The following PFKFB3 variants were observed in gnomAD, a reference collection of about 807,000 sequenced individuals.
PFKFB3 encodes the protein 6-phosphofructo-2-kinase/fructose-2,6-bisphosphatase 3.
PFKFB3 carries 33 observed loss-of-function variants against 68.0 expected under a neutral mutation model. The observed-to-expected ratio is 0.49, with a 90% confidence interval of 0.37 to 0.65. The LOEUF (loss-of-function observed/expected upper bound fraction) is 0.65, where lower values mean the gene tolerates loss of function less well. Ranked by LOEUF, PFKFB3 falls within the 30% of genes least tolerant of loss-of-function variation. The probability of loss-of-function intolerance (pLI) is 0.00; values close to 1 mark genes in which losing one functional copy is unlikely to be tolerated. For missense variants in PFKFB3, 586 were observed against 712.2 expected (o/e 0.82, Z 2.02); for synonymous variants, 315 against 288.2 (o/e 1.09, Z -0.94).
chr10:6,304,840 A>G, the PFKFB3 span, among the ~76,000 whole-genome samples: 1 of 128,742 alleles, frequency 7.8e-6, no homozygotes, highest in South Asian at 2.5e-4. Flanking sequence ...TAAAAATATT[A>G]GGAACTTTTT....
the PFKFB3 span, among the ~76,000 whole-genome samples, chr10:6,316,008 TAA>T: frequency 1.3e-5 from 2 of 152,318 alleles, no homozygotes; most frequent in South Asian, 4.1e-4. Context: ...CATTTATATA[TAA>T]GAGACTTTTC....
Position 6,224,956 on chromosome 10 carries a change from C to T in PFKFB3, c.1341+743C>T, listed in dbSNP as rs547318429. Among the ~76,000 whole-genome samples the T allele has an allele frequency of 4.9e-4, 43 of 87,828 alleles. No homozygotes were observed. In the East Asian group the frequency reaches 9.8e-3, roughly 20 times the overall value. 57.6% of individuals were successfully genotyped at this position (87,828 alleles called of 152,430 possible). On this transcript the variant is annotated intron_variant, in intron 13 of 14. Transcript: ENST00000379775. ...CCACCAAGAACACGGTGTTGAGAGA[C>T]GGGAGGCGTGGAGAGCAGAGGCCTG...
the PFKFB3 span, among the ~76,000 whole-genome samples, chr10:6,274,236 C>T: frequency 1.3e-5 from 2 of 151,934 alleles, no homozygotes; most frequent in African/African-American, 4.8e-5. Flanking sequence ...TTGTGTAAGT[C>T]CCTCCATCTG....
the PFKFB3 span, among the ~76,000 whole-genome samples, chr10:6,288,400 G>T: frequency 7.9e-6 from 1 of 126,874 alleles, no homozygotes; most frequent in South Asian, 2.4e-4. Flanking sequence ...TCCCCTTCCT[G>T]TGTCCATGTG....
At chr10:6,171,797 G>GT (rs1251171747) in intron 1 of PFKFB3, among the ~76,000 whole-genome samples, 3 of 152,266 alleles carry the variant, frequency 2.0e-5, no homozygotes, top group Non-Finnish European at 4.4e-5. Context: ...GGGTAGAAAA[G>GT]TTTGGATATC....
At chr10:6,225,754 C>CA (rs3083328) in intron 13 of PFKFB3, among the ~76,000 whole-genome samples, 4 of 151,772 alleles carry the variant, frequency 2.6e-5, no homozygotes, top group Admixed American at 6.6e-5. Context: ...GATCCTGCCT[C>CA]GGGTCAGCGG....
At chr10:6,185,562 C>T (rs1271505267) in intron 1 of PFKFB3, among the ~76,000 whole-genome samples, 1 of 151,728 alleles carries the variant, frequency 6.6e-6, no homozygotes, top group Non-Finnish European at 1.5e-5. Flanking sequence ...TGTGGTCCAG[C>T]CAGGGGCTCA....
chr10:6,313,433 T>G, the PFKFB3 span, among the ~76,000 whole-genome samples: 4 of 152,218 alleles, frequency 2.6e-5, no homozygotes, highest in African/African-American at 9.7e-5. This position sits in a 1 kb window ranked among gnomAD's most constrained non-coding sequence, Gnocchi z 4.2. Flanking sequence ...TGGGTGCTGG[T>G]TGCTCAGTGT....
the PFKFB3 span, among the ~76,000 whole-genome samples, chr10:6,300,673 A>G: frequency 0.52 from 79,083 of 151,766 alleles, 22,610 homozygotes; most frequent in Non-Finnish European, 0.66. Context: ...TTTCTTATTA[A>G]CTCCACCCAG....
At chr10:6,183,614 A>AATATATATATATAT (rs371411251) in intron 1 of PFKFB3, among the ~76,000 whole-genome samples, 1 of 93,942 alleles carries the variant, frequency 1.1e-5, no homozygotes, top group African/African-American at 3.4e-5. Context: ...AAAAAAAAAA[A>AATATATATATATAT]ATATATATAT....
the PFKFB3 span, among the ~76,000 whole-genome samples, chr10:6,295,635 T>TA: frequency 2.0e-5 from 3 of 152,148 alleles, no homozygotes; most frequent in Admixed American, 6.5e-5. Flanking sequence ...GATCAAGTCT[T>TA]AGTCTTTTAG....
chr10:6,278,753 C>A, the PFKFB3 span, among the ~76,000 whole-genome samples: 1 of 152,230 alleles, frequency 6.6e-6, no homozygotes, highest in Non-Finnish European at 1.5e-5. Context: ...TCCTCTAGGA[C>A]TTAGCCTAGT....
chr10:6,144,996 CGA>C, exon 1 of PFKFB3: 1 of 1,327,636 alleles, frequency 7.5e-7, no homozygotes, highest in East Asian at 3.1e-5. Flanking sequence ...GCCCCCGGCG[CGA>C]TGCCCTTCAG....
chr10:6,299,968 C>CAT, the PFKFB3 span, among the ~76,000 whole-genome samples: 1 of 48,586 alleles, frequency 2.1e-5, no homozygotes, highest in Non-Finnish European at 3.4e-5. Context: ...GTTCAGAAGA[C>CAT]TTTTTTTTTT....
chr10:6,182,447 C>T (rs561880913), intron 1 of PFKFB3, among the ~76,000 whole-genome samples: 1 of 152,178 alleles, frequency 6.6e-6, no homozygotes, highest in East Asian at 1.9e-4. Context: ...GTGCTGCCGG[C>T]AGCCTTTCCA....
chr10:6,265,142 G>A, the PFKFB3 span, among the ~76,000 whole-genome samples: 75 of 148,310 alleles, frequency 5.1e-4, no homozygotes, highest in Middle Eastern at 3.6e-3. Context: ...GTGCAGTGGC[G>A]CCATCTCGGC....
the PFKFB3 span, among the ~76,000 whole-genome samples, chr10:6,288,570 A>G: frequency 2.6e-5 from 4 of 151,718 alleles, no homozygotes; most frequent in South Asian, 4.2e-4. Flanking sequence ...TCCATGGTGT[A>G]TATGTGCCAC....
At position 6,208,371 on chromosome 10, in the gene PFKFB3, C is replaced by CTTTTTTTTTTTTTT. The variant is rs35447462; in HGVS notation, c.76+5044_76+5057dup. 7.9e-3 allele frequency among the ~76,000 whole-genome samples: 478 copies of CTTTTTTTTTTTTTT among 60,620 alleles called. 96 individuals are homozygous for CTTTTTTTTTTTTTT. Among genetic ancestry groups the CTTTTTTTTTTTTTT allele is most frequent in the African/African-American group, 0.02 (297 of 14,942 alleles). 39.8% of individuals were successfully genotyped at this position (60,620 alleles called of 152,430 possible). A position where few individuals can be genotyped will look rare whatever the true frequency, so the allele number is the denominator to read the frequency against. ...ACAGGTGTAAGCCAGGGTACCTGGC[C>CTTTTTTTTTTTTTT]TTTTTTTTTTTTTTTTTTTTTTGCC... On this transcript the variant is annotated intron_variant, in intron 1 of 14. Coordinates refer to ENST00000379775, the MANE Select transcript of PFKFB3 (RefSeq NM_004566.4).
intron 1 of PFKFB3, among the ~76,000 whole-genome samples, chr10:6,204,266 G>A (rs1391132833): frequency 6.6e-6 from 1 of 152,274 alleles, no homozygotes; most frequent in African/African-American, 2.4e-5. Flanking sequence ...CGGCTCCCAT[G>A]GGCTGGACAG....
Sources: gnomAD v4.1 joint callset for allele counts (sites outside exome capture counted in the v4.1 genomes callset) on GRCh38, gnomAD v4.1.1 for gene constraint, Gnocchi (gnomAD v3.1) non-coding constraint, MANE v1.5 for transcripts, NCBI Gene and HGNC (gene_info 2026-07-23, HGNC 2026-07-21) for gene names.